Variants in CCDC3 observed in about 807,000 individuals in gnomAD.
CCDC3 encodes the protein coiled-coil domain containing 3.
In CCDC3, 24 loss-of-function variants were observed where a neutral mutation model predicts 21.4. The ratio of observed to expected loss-of-function variants is 1.12; its 90% confidence interval spans 0.81 to 1.58. The LOEUF (loss-of-function observed/expected upper bound fraction) is 1.58. Among genes scored for constraint, CCDC3 ranks in the 40% most tolerant of loss-of-function variants. The probability of loss-of-function intolerance (pLI) is 0.00; values close to 1 mark genes in which losing one functional copy is unlikely to be tolerated. For synonymous variants in CCDC3, 186 were observed against 166.0 expected (o/e 1.12, Z -0.93); for missense variants, 425 against 360.9 (o/e 1.18, Z -1.44).
intron 4 of CCDC3, among the ~76,000 whole-genome samples, chr10:13,063,975 T>G (rs562913825): frequency 6.6e-6 from 1 of 151,180 alleles, no homozygotes; most frequent in South Asian, 2.2e-4. Flanking sequence ...GTCGTCACGC[T>G]GGAGTGCAAT....
chr10:12,930,195 C>G (rs1366148353), intron 2 of CCDC3, among the ~76,000 whole-genome samples: 2 of 152,216 alleles, frequency 1.3e-5, no homozygotes, highest in African/African-American at 4.8e-5. Flanking sequence ...TAATCTTTTT[C>G]AAAAGCTGTC....
chr10:13,038,428 C>A (rs2131416366), intron 5 of CCDC3, among the ~76,000 whole-genome samples: 1 of 150,626 alleles, frequency 6.6e-6, no homozygotes, highest in East Asian at 2.0e-4. Flanking sequence ...TCTCAAGACT[C>A]AGCAAAGAGA....
intron 3 of CCDC3, among the ~76,000 whole-genome samples, chr10:13,075,892 A>C (rs540316943): frequency 6.6e-6 from 1 of 152,022 alleles, no homozygotes; most frequent in African/African-American, 2.4e-5. Flanking sequence ...CTACTAAAAA[A>C]ATAAAATAAA....
Position 12,981,534 on chromosome 10 carries a change from G to A in CCDC3, c.549+16804C>T, listed in dbSNP as rs143746601. Reference sequence around the variant, plus strand: ...AGCATATCATATACTGAGGCTCTCTGGAGAGGCTTGGGGGATTGAAAAATA... The same window carrying A: ...AGCATATCATATACTGAGGCTCTCTAGAGAGGCTTGGGGGATTGAAAAATA... On this transcript the variant is annotated intron_variant, in intron 2 of 2. Transcript: ENST00000378825. 1.9e-3 allele frequency among the ~76,000 whole-genome samples: 294 copies of A among 152,184 alleles called. 1 individual carries two copies. The highest frequency in any genetic ancestry group is 6.0e-3 in the African/African-American group (250 of 41,524).
At chr10:13,064,369 T>C (rs1217587619) in intron 4 of CCDC3, among the ~76,000 whole-genome samples, 2 of 152,198 alleles carry the variant, frequency 1.3e-5, no homozygotes, top group Non-Finnish European at 2.9e-5. Flanking sequence ...CTTCACGAAA[T>C]AAATTACATA....
intron 2 of CCDC3, among the ~76,000 whole-genome samples, chr10:12,907,771 C>A (rs1046270937): frequency 2.0e-5 from 3 of 152,282 alleles, no homozygotes; most frequent in South Asian, 4.2e-4. Flanking sequence ...CACCTGCCCG[C>A]CCCCTGTTGA....
rs368910799 is a variant in CCDC3, at chr10:12,898,471, G to T, written c.758C>A (p.Ala253Glu). Residue 253 changes from alanine (A) to glutamate (E), a missense_variant, in exon 3 of 3, where the codon GCG becomes GAG. Coordinates refer to ENST00000378825, the MANE Select transcript of CCDC3 (RefSeq NM_031455.4). ...QKLSEKLAAG[A>E]LPHINARGPV... ...CCCCCGGGCATTGATGTGCGGCAGC[G>T]CGCCCGCCGCCAGCTTCTCACTGAG... The T allele has an allele frequency of 1.2e-6, 2 of 1,612,978 alleles. No homozygotes were observed. Among genetic ancestry groups the T allele is most frequent in the Non-Finnish European group, 8.5e-7 (1 of 1,179,452 alleles).
chr10:13,030,937 A>G (rs545261730), intron 5 of CCDC3, among the ~76,000 whole-genome samples: 11 of 152,240 alleles, frequency 7.2e-5, no homozygotes, highest in African/African-American at 2.2e-4. Flanking sequence ...ACAGATCAAC[A>G]AGACAGAAAG....
chr10:13,030,187 C>A (rs191116389), intron 5 of CCDC3, among the ~76,000 whole-genome samples: 1 of 152,324 alleles, frequency 6.6e-6, no homozygotes, highest in East Asian at 1.9e-4. Flanking sequence ...AGCTAACATT[C>A]AACATTCTTA....
chr10:13,048,512 T>C (rs1836562554), intron 5 of CCDC3, among the ~76,000 whole-genome samples: 1 of 152,096 alleles, frequency 6.6e-6, no homozygotes, highest in Admixed American at 6.6e-5. Context: ...GTTTTTATTC[T>C]CCTTTTACAC....
At chr10:12,899,328 C>A (rs1373524091) in intron 2 of CCDC3, among the ~76,000 whole-genome samples, 4 of 152,098 alleles carry the variant, frequency 2.6e-5, no homozygotes, top group Admixed American at 2.0e-4. Context: ...ATTAGATTGG[C>A]AAAATTTCAG....
intron 3 of CCDC3, among the ~76,000 whole-genome samples, chr10:13,075,314 C>G (rs112012833): frequency 6.6e-6 from 1 of 152,190 alleles, no homozygotes; most frequent in Admixed American, 6.5e-5. Context: ...GTGACTGGCA[C>G]ATGTAGGAGC....
intron 4 of CCDC3, among the ~76,000 whole-genome samples, chr10:13,053,982 T>C (rs1836646638): frequency 6.6e-6 from 1 of 151,736 alleles, no homozygotes; most frequent in South Asian, 2.1e-4. Context: ...CCATCTCTAC[T>C]AAAAAATACA....
At chr10:12,932,590 A>G (rs1045219638) in intron 2 of CCDC3, among the ~76,000 whole-genome samples, 1 of 152,206 alleles carries the variant, frequency 6.6e-6, no homozygotes, top group Non-Finnish European at 1.5e-5. Context: ...AATTTTCTAC[A>G]TAACCAACCA....
chr10:13,010,742 G>A (rs1051871143), intron 5 of CCDC3, among the ~76,000 whole-genome samples: 5 of 152,058 alleles, frequency 3.3e-5, no homozygotes, highest in African/African-American at 7.2e-5. Flanking sequence ...AAAATAAACC[G>A]TGGCCTGCAA....
intron 5 of CCDC3, among the ~76,000 whole-genome samples, chr10:13,045,455 C>G (rs1836512818): frequency 6.6e-6 from 1 of 151,670 alleles, no homozygotes; most frequent in African/African-American, 2.4e-5. Flanking sequence ...AAGTGAAACC[C>G]TGTCTCTACT....
intron 2 of CCDC3, among the ~76,000 whole-genome samples, chr10:12,994,216 G>A (rs1835722136): frequency 6.6e-6 from 1 of 152,028 alleles, no homozygotes; most frequent in African/African-American, 2.4e-5. Flanking sequence ...TGGCCAACAT[G>A]GTGAAACCCC....
intron 2 of CCDC3, among the ~76,000 whole-genome samples, chr10:12,910,605 A>T (rs77615833): frequency 1.5e-5 from 2 of 130,796 alleles, no homozygotes; most frequent in African/African-American, 3.0e-5. Flanking sequence ...AAAAAAAAAA[A>T]AAAAAATTTT....
chr10:13,002,025 A>ATT (rs1313015802), upstream of CCDC3, among the ~76,000 whole-genome samples: 2 of 152,230 alleles, frequency 1.3e-5, no homozygotes, highest in Non-Finnish European at 2.9e-5. Flanking sequence ...AATTTGCACG[A>ATT]TTACTGCCTA....
Sources: gnomAD v4.1 joint callset for allele counts (sites outside exome capture counted in the v4.1 genomes callset) on GRCh38, gnomAD v4.1.1 for gene constraint, MANE v1.5 for transcripts, NCBI Gene and HGNC (gene_info 2026-07-23, HGNC 2026-07-21) for gene names.